PHTF2: variants seen among roughly 807,000 people sequenced by gnomAD.
PHTF2 encodes the protein protein PHTF2.
In PHTF2, 60 loss-of-function variants were observed where a neutral mutation model predicts 101.2. The ratio of observed to expected loss-of-function variants is 0.59; its 90% CI spans 0.48 to 0.73. PHTF2 has a LOEUF of 0.73. Among genes scored for constraint, PHTF2 ranks in the 30% least tolerant of loss-of-function variants. The pLI is 0.00. For missense variants in PHTF2, 747 were observed against 908.7 expected, an observed-to-expected ratio of 0.82 and a Z score of 2.29; for synonymous variants, 311 against 307.3, an observed-to-expected ratio of 1.01 and a Z score of -0.13.
chr7:77,905,520 C>T (rs1441846524), intron 7 of PHTF2, among the ~76,000 whole-genome samples: 1 of 148,514 alleles, frequency 6.7e-6, no homozygotes, highest in African/African-American at 2.5e-5. Context: ...TTGTCAGCCA[C>T]CACAGTTTCT....
At chr7:77,922,806 A>G in intron 11 of PHTF2, 28 bp downstream of exon 10, 9 of 1,435,036 alleles carry the variant, frequency 6.3e-6, no homozygotes, top group Non-Finnish European at 8.6e-6. Context: ...AAGTGTATAC[A>G]TACGTATCTA....
chr7:77,832,645 C>T (rs1314809927), intron 1 of PHTF2, among the ~76,000 whole-genome samples: 1 of 152,002 alleles, frequency 6.6e-6, no homozygotes, highest in African/African-American at 2.4e-5. Context: ...GTATAGTTAA[C>T]AGCAACCAAA....
chr7:77,898,621 A>G (rs929585746), intron 5 of PHTF2, among the ~76,000 whole-genome samples: 5 of 152,200 alleles, frequency 3.3e-5, no homozygotes, highest in African/African-American at 9.6e-5. Flanking sequence ...AAAGTCACCC[A>G]TGAACACTGA....
At chr7:77,825,210 C>T (rs372154035) in intron 1 of PHTF2, among the ~76,000 whole-genome samples, 1 of 151,950 alleles carries the variant, frequency 6.6e-6, no homozygotes, top group African/African-American at 2.4e-5. Context: ...TAGCTTTATA[C>T]CAAATACTTC....
chr7:77,949,942 C>A, intron 17 of PHTF2, 109 bp downstream of exon 16: 2 of 580,786 alleles, frequency 3.4e-6, no homozygotes, highest in Non-Finnish European at 5.6e-6. Flanking sequence ...GTCATTTGTG[C>A]TATAAAGCAA....
At chr7:77,921,642 A>G (rs943934017) in intron 10 of PHTF2, among the ~76,000 whole-genome samples, 1 of 152,168 alleles carries the variant, frequency 6.6e-6, no homozygotes, top group African/African-American at 2.4e-5. Flanking sequence ...AGCTCTGATA[A>G]TGTGAGCCTC....
At chr7:77,851,283 A>G (rs2150624516) in intron 2 of PHTF2, among the ~76,000 whole-genome samples, 1 of 152,176 alleles carries the variant, frequency 6.6e-6, no homozygotes. Flanking sequence ...TGATCTCATT[A>G]CTTATTATTG....
intron 5 of PHTF2, chr7:77,895,801 T>C (rs1800821510): frequency 6.6e-6 from 1 of 152,284 alleles, no homozygotes; most frequent in East Asian, 1.9e-4. Flanking sequence ...TACAACTTCT[T>C]TCTGAAGTGT....
exon 17 of PHTF2, chr7:77,949,692 C>T (rs753986766): frequency 2.5e-5 from 40 of 1,568,846 alleles, no homozygotes; most frequent in African/African-American, 8.1e-5. Flanking sequence ...TTCATGTACA[C>T]GAGATCTTCC....
At chr7:77,902,738 A>G (rs1028400015) in intron 7 of PHTF2, among the ~76,000 whole-genome samples, 10 of 152,118 alleles carry the variant, frequency 6.6e-5, no homozygotes, top group Admixed American at 6.5e-4. Flanking sequence ...AACCATGATT[A>G]CAATCCTGAA....
intron 3 of PHTF2, among the ~76,000 whole-genome samples, chr7:77,857,781 T>C (rs1797304991): frequency 6.6e-6 from 1 of 152,254 alleles, no homozygotes; most frequent in Non-Finnish European, 1.5e-5. Flanking sequence ...CTAATTTCTC[T>C]GAATTCCACT....
chr7:77,893,696 A>G (rs1440117329), intron 4 of PHTF2, 32 bp downstream of exon 3: 1 of 913,382 alleles, frequency 1.1e-6, no homozygotes, highest in African/African-American at 1.6e-5. Context: ...GTTTATTTTG[A>G]AACATAGTTC....
At chr7:77,951,199 G>A (rs2150997708) in intron 17 of PHTF2, among the ~76,000 whole-genome samples, 1 of 152,288 alleles carries the variant, frequency 6.6e-6, no homozygotes, top group Non-Finnish European at 1.5e-5. Context: ...AACACTTTGG[G>A]AGGCTGAGAT....
rs974628867 is a variant in PHTF2 at position 77,800,483 on chromosome 7, T to A, written c.-36+1512T>A. Among the ~76,000 whole-genome samples the A allele has an allele frequency of 2.6e-4, 40 of 152,272 alleles. 1 individual carries two copies. The highest frequency in any genetic ancestry group is 9.2e-4 in the Admixed American group (14 of 15,296). On this transcript the variant is annotated intron_variant, in intron 1 of 19. Transcript: ENST00000416283. ...ATTTTGACCACTTTCTGGTGGAGCA[T>A]GAAAATGTGGTGAGTAAACAAGTAT...
intron 3 of PHTF2, among the ~76,000 whole-genome samples, chr7:77,892,231 A>G (rs1800496927): frequency 6.6e-6 from 1 of 152,208 alleles, no homozygotes; most frequent in South Asian, 2.1e-4. Flanking sequence ...CGGAGGTTGC[A>G]GTGAGCCGAG....
At chr7:77,892,760 G>A (rs1800545854) in intron 3 of PHTF2, among the ~76,000 whole-genome samples, 1 of 152,124 alleles carries the variant, frequency 6.6e-6, no homozygotes, top group Admixed American at 6.5e-5. Flanking sequence ...CCCTGGTGAA[G>A]GTATAGTTCA....
intron 12 of PHTF2, among the ~76,000 whole-genome samples, chr7:77,930,396 T>G (rs912143550): frequency 1.3e-5 from 2 of 152,218 alleles, no homozygotes; most frequent in African/African-American, 4.8e-5. Flanking sequence ...TCTGTTTTTC[T>G]TATTCCATTC....
exon 19 of PHTF2, chr7:77,953,806 T>G: frequency 6.2e-7 from 1 of 1,613,332 alleles, no homozygotes; most frequent in Non-Finnish European, 8.5e-7. Flanking sequence ...GGGCTTACAA[T>G]GAATCCGCTG....
chr7:77,890,904 C>CTTTTTT (rs11442975), intron 3 of PHTF2, among the ~76,000 whole-genome samples: 2 of 92,956 alleles, frequency 2.2e-5, no homozygotes, highest in Admixed American at 1.1e-4. Context: ...CGCACCCGGC[C>CTTTTTT]TTTTTTTTTT....
Sources: gnomAD v4.1 joint callset for allele counts (sites outside exome capture counted in the v4.1 genomes callset) on GRCh38, gnomAD v4.1.1 for gene constraint, MANE v1.5 for transcripts, NCBI Gene and HGNC (gene_info 2026-07-23, HGNC 2026-07-21) for gene names.